The following SEMA3C variants were observed in gnomAD, a reference collection of about 807,000 sequenced individuals.
The protein encoded by SEMA3C is semaphorin-3C.
In SEMA3C, 47 loss-of-function variants were observed where a neutral mutation model predicts 89.4. That is an observed-to-expected ratio of 0.53 (90% CI 0.42 to 0.67). SEMA3C has a LOEUF of 0.67. SEMA3C is among the 30% of genes least tolerant of loss of function. SEMA3C has a pLI of 0.00. For synonymous variants in SEMA3C, 310 were observed against 320.2 expected (o/e 0.97, Z 0.34); for missense variants, 839 against 929.1 (o/e 0.90, Z 1.26).
At chr7:80,882,049 C>T (rs1791356093) in intron 2 of SEMA3C, among the ~76,000 whole-genome samples, 1 of 152,154 alleles carries the variant, frequency 6.6e-6, no homozygotes, top group South Asian at 2.1e-4. Context: ...TATTTGCGCA[C>T]ACAAGAAGTG....
At chr7:80,845,358 A>G (rs997822930) in intron 2 of SEMA3C, among the ~76,000 whole-genome samples, 1 of 152,110 alleles carries the variant, frequency 6.6e-6, no homozygotes, top group African/African-American at 2.4e-5. Context: ...CAGTAAGCCA[A>G]CTGCTATGGA....
chr7:80,877,075 A>G (rs891523768), intron 2 of SEMA3C, among the ~76,000 whole-genome samples: 10 of 152,222 alleles, frequency 6.6e-5, no homozygotes, highest in Non-Finnish European at 8.8e-5. Flanking sequence ...CTAGTTAACG[A>G]TAAGTGGTGG....
At position 80,742,609 on chromosome 7, in the gene SEMA3C, A is replaced by T. The variant is rs1787708104; in HGVS notation, c.*2285T>A. 2.6e-5 allele frequency: 4 copies of T among 152,010 alleles called. No homozygotes were observed. In the South Asian group the frequency reaches 8.3e-4, roughly 31 times the overall value. 9.4% of individuals were successfully genotyped at this position (152,010 alleles called of 1,614,324 possible). On this transcript the variant is annotated 3_prime_UTR_variant, in exon 18 of 18. Coordinates refer to ENST00000265361, the MANE Select transcript of SEMA3C (RefSeq NM_006379.5). ...ATATCCAATTAAATTTTAGTGTGAC[A>T]ACTACATTTAGTTTGTTTTCTTACA...
In SEMA3C at chr7:80,897,763, G is replaced by A. The variant is rs535715864; in HGVS notation, c.103+18916C>T. Among the ~76,000 whole-genome samples the A allele has an allele frequency of 1.4e-4, 22 of 152,272 alleles. No individual in the cohort carries two copies. The East Asian group carries it at 3.9e-3, about 27-fold the overall frequency. ...TTCATTTACCATTTAAAAGATTAAA[G>A]CTACTGTTCAGCTTTGCTTAGTCAT... is the stretch of plus-strand genomic sequence containing the variant. On this transcript the variant is annotated intron_variant, in intron 2 of 17. Coordinates refer to ENST00000265361, the MANE Select transcript of SEMA3C (RefSeq NM_006379.5).
At chr7:80,850,732 G>A (rs1177725838) in intron 2 of SEMA3C, among the ~76,000 whole-genome samples, 1 of 152,100 alleles carries the variant, frequency 6.6e-6, no homozygotes, top group Non-Finnish European at 1.5e-5. Context: ...GAAGATTTTT[G>A]TACTTTTTCT....
At chr7:80,777,028 T>A (rs1788565383) in intron 12 of SEMA3C, among the ~76,000 whole-genome samples, 1 of 152,208 alleles carries the variant, frequency 6.6e-6, no homozygotes, top group African/African-American at 2.4e-5. Context: ...CATGTGTGTA[T>A]GTCTCTATTG....
rs190321548 is a variant in SEMA3C, at chr7:80,882,065, G to A, written c.103+34614C>T. 3.2e-3 allele frequency among the ~76,000 whole-genome samples: 485 copies of A among 152,256 alleles called. 2 individuals carry two copies. The highest frequency in any genetic ancestry group is 0.011 in the African/African-American group (457 of 41,548). Reference sequence around the variant, plus strand: ...ATTTGCGCACACAAGAAGTGCCCACGTTCCTTCACTGTCCATCCACGAAGT... The same window carrying A: ...ATTTGCGCACACAAGAAGTGCCCACATTCCTTCACTGTCCATCCACGAAGT... On this transcript the variant is annotated intron_variant, in intron 2 of 17. Coordinates refer to ENST00000265361, the MANE Select transcript of SEMA3C (RefSeq NM_006379.5).
At chr7:80,888,283 G>A (rs1388220581) in intron 2 of SEMA3C, among the ~76,000 whole-genome samples, 1 of 151,676 alleles carries the variant, frequency 6.6e-6, no homozygotes, top group Non-Finnish European at 1.5e-5. Flanking sequence ...GCATGGTGGA[G>A]TGTGCCTGTA....
intron 13 of SEMA3C, among the ~76,000 whole-genome samples, chr7:80,763,585 T>C (rs3807098): frequency 0.11 from 17,074 of 152,290 alleles, 1,015 homozygotes; most frequent in Admixed American, 0.15. Flanking sequence ...GTAGTTAGCA[T>C]GTGATCAGAC....
chr7:80,880,137 C>T (rs1347450123), intron 2 of SEMA3C, among the ~76,000 whole-genome samples: 1 of 152,096 alleles, frequency 6.6e-6, no homozygotes, highest in Non-Finnish European at 1.5e-5. Flanking sequence ...GGTTAAGTCC[C>T]TTATTCCATT....
At chr7:80,750,505 C>CACACACAT (rs1787910203) in intron 16 of SEMA3C, among the ~76,000 whole-genome samples, 2 of 139,078 alleles carry the variant, frequency 1.4e-5, no homozygotes, top group Non-Finnish European at 3.1e-5. Flanking sequence ...CACACACATA[C>CACACACAT]ACACACACAC....
At chr7:80,824,969 C>T (rs1046029999) in intron 4 of SEMA3C, among the ~76,000 whole-genome samples, 8 of 152,124 alleles carry the variant, frequency 5.3e-5, no homozygotes, top group Non-Finnish European at 1.2e-4. Flanking sequence ...AATGTAAGGA[C>T]TCCATCTAAT....
chr7:80,779,776 T>C (rs1203871041), intron 12 of SEMA3C, among the ~76,000 whole-genome samples: 1 of 152,140 alleles, frequency 6.6e-6, no homozygotes, highest in African/African-American at 2.4e-5. Context: ...ATAAAAGTGA[T>C]GGTATGTCAA....
chr7:80,843,128 T>C (rs1790308670), intron 2 of SEMA3C, among the ~76,000 whole-genome samples: 1 of 152,266 alleles, frequency 6.6e-6, no homozygotes, highest in African/African-American at 2.4e-5. Context: ...TAAGTTCTAA[T>C]GCTCTATAGA....
intron 12 of SEMA3C, among the ~76,000 whole-genome samples, chr7:80,780,959 A>C (rs964849237): frequency 6.6e-6 from 1 of 152,204 alleles, no homozygotes; most frequent in Non-Finnish European, 1.5e-5. Flanking sequence ...CACTAAAAAA[A>C]GATTTTGAGA....
At chr7:80,920,589 C>G (rs1031764734), upstream of SEMA3C, among the ~76,000 whole-genome samples, 1 of 152,022 alleles carries the variant, frequency 6.6e-6, no homozygotes, top group African/African-American at 2.4e-5. Flanking sequence ...AGTCAAGGAA[C>G]GAAGGATCAA....
chr7:80,860,121 C>G (rs1790736343), intron 2 of SEMA3C, among the ~76,000 whole-genome samples: 1 of 152,054 alleles, frequency 6.6e-6, no homozygotes, highest in South Asian at 2.1e-4. Context: ...TACGTATAGA[C>G]TAGTGTTTTT....
chr7:80,875,236 T>C (rs1167768842), intron 2 of SEMA3C, among the ~76,000 whole-genome samples: 1 of 152,184 alleles, frequency 6.6e-6, no homozygotes, highest in Non-Finnish European at 1.5e-5. Context: ...GATTCTTAGA[T>C]GCTTGTCCCT....
intron 5 of SEMA3C, among the ~76,000 whole-genome samples, chr7:80,810,947 G>A (rs1320518052): frequency 6.6e-5 from 10 of 152,148 alleles, no homozygotes; most frequent in Non-Finnish European, 2.9e-5. Flanking sequence ...CCAAGAAGTC[G>A]TTCTCCTCAA....
Sources: gnomAD v4.1 joint callset for allele counts (sites outside exome capture counted in the v4.1 genomes callset) on GRCh38, gnomAD v4.1.1 for gene constraint, MANE v1.5 for transcripts, NCBI Gene and HGNC (gene_info 2026-07-23, HGNC 2026-07-21) for gene names.